LRRTM4: variants seen among roughly 807,000 people sequenced by gnomAD.
LRRTM4 encodes the protein leucine-rich repeat transmembrane neuronal protein 4.
Under a neutral mutation model 47.6 loss-of-function variants are expected in LRRTM4, and 25 were observed. The observed-to-expected ratio is 0.53, with a 90% CI of 0.38 to 0.73. LRRTM4 has a LOEUF of 0.73. Ranked by LOEUF, LRRTM4 falls within the 30% of genes least tolerant of loss-of-function variation. LRRTM4 has a pLI of 0.00. For missense variants in LRRTM4, 638 were observed against 713.4 expected, an observed-to-expected ratio of 0.89 and a Z score of 1.20; for synonymous variants, 311 against 269.5, an observed-to-expected ratio of 1.15 and a Z score of -1.51.
intron 3 of LRRTM4, among the ~76,000 whole-genome samples, chr2:76,788,873 T>C (rs1287895975): frequency 6.6e-6 from 1 of 152,188 alleles, no homozygotes; most frequent in African/African-American, 2.4e-5. Context: ...CTATGGGGTT[T>C]ATAGTTTCCA....
intron 3 of LRRTM4, among the ~76,000 whole-genome samples, chr2:77,029,077 T>C (rs547698854): frequency 1.4e-5 from 2 of 146,316 alleles, no homozygotes; most frequent in East Asian, 2.0e-4. Context: ...ATATAATATA[T>C]ATATATTATA....
chr2:76,911,093 CAG>C (rs1237860876), intron 3 of LRRTM4, among the ~76,000 whole-genome samples: 2 of 152,082 alleles, frequency 1.3e-5, no homozygotes, highest in African/African-American at 2.4e-5. Context: ...TAATATGAAA[CAG>C]AAATATCTTT....
At chr2:76,900,376 G>A (rs1392869858) in intron 3 of LRRTM4, among the ~76,000 whole-genome samples, 1 of 151,030 alleles carries the variant, frequency 6.6e-6, no homozygotes, top group East Asian at 2.0e-4. Context: ...TGTATCAAAG[G>A]TTTCAAAACT....
At chr2:76,929,751 ACCACATAT>A (rs1470616244) in intron 3 of LRRTM4, among the ~76,000 whole-genome samples, 2 of 152,150 alleles carry the variant, frequency 1.3e-5, no homozygotes, top group East Asian at 3.9e-4. Context: ...CCTCCACCAA[ACCACATAT>A]CCTAGCATCA....
chr2:77,195,460 G>T (rs979635645), intron 3 of LRRTM4, among the ~76,000 whole-genome samples: 5 of 151,936 alleles, frequency 3.3e-5, no homozygotes, highest in Non-Finnish European at 7.4e-5. Flanking sequence ...TAACAAGTAG[G>T]AAAACTTATC....
intron 3 of LRRTM4, among the ~76,000 whole-genome samples, chr2:76,887,293 ATAAAG>A (rs924887794): frequency 7.9e-5 from 12 of 151,734 alleles, no homozygotes; most frequent in African/African-American, 2.9e-4. Context: ...AAGTTAACAT[ATAAAG>A]TATTCAAAAT....
intron 3 of LRRTM4, among the ~76,000 whole-genome samples, chr2:77,425,073 A>G (rs1291214632): frequency 1.3e-5 from 2 of 152,228 alleles, no homozygotes; most frequent in African/African-American, 4.8e-5. Context: ...TGTGCTAAAT[A>G]AAACTACACT....
chr2:77,108,804 C>A (rs1215748132), intron 3 of LRRTM4, among the ~76,000 whole-genome samples: 2 of 152,088 alleles, frequency 1.3e-5, no homozygotes, highest in African/African-American at 4.8e-5. Flanking sequence ...GGGATGGTCT[C>A]GATCTCCTGA....
chr2:77,460,553 TAAAAAATGAACTTA>T (rs1382310364), intron 3 of LRRTM4, among the ~76,000 whole-genome samples: 1 of 152,104 alleles, frequency 6.6e-6, no homozygotes, highest in Non-Finnish European at 1.5e-5. Context: ...CTGACAACCA[TAAAAAATGAACTTA>T]AAATGATGAT....
chr2:77,008,938 G>GAAA (rs1346602340), intron 3 of LRRTM4: 2 of 81,926 alleles, frequency 2.4e-5, no homozygotes, highest in Non-Finnish European at 4.6e-5. Context: ...GAGCCAACAA[G>GAAA]AAAAAAAAGA....
intron 3 of LRRTM4, among the ~76,000 whole-genome samples, chr2:77,047,838 A>G (rs1035350802): frequency 1.2e-4 from 19 of 152,086 alleles, no homozygotes; most frequent in Non-Finnish European, 1.9e-4. Context: ...ATAAACTATT[A>G]GGGTTTATGA....
In LRRTM4 at chr2:76,748,775, G is replaced by A. The variant is rs777218046; in HGVS notation, c.1693C>T (p.Leu565=). The A allele has an allele frequency of 6.2e-7, 1 of 1,614,010 alleles. No homozygotes were observed. Among genetic ancestry groups the A allele is most frequent in the Middle Eastern group, 1.6e-4 (1 of 6,062 alleles). The change falls in exon 4 of 4, where the codon CTG becomes TTG. Residue 565 remains leucine, a synonymous_variant. Transcript: ENST00000409884. The part of the protein sequence containing the change: ...PEQDESPGLE[L]GRDHSFIATI... Reference sequence around the variant, plus strand: ...GCGATGAAGCTGTGGTCTCGGCCCAGCTCCAGGCCGGGGCTTTCGTCCTGC... The same window carrying A: ...GCGATGAAGCTGTGGTCTCGGCCCAACTCCAGGCCGGGGCTTTCGTCCTGC...
chr2:77,487,001 G>T (rs1207968772), intron 3 of LRRTM4, among the ~76,000 whole-genome samples: 1 of 152,130 alleles, frequency 6.6e-6, no homozygotes, highest in Non-Finnish European at 1.5e-5. Context: ...CGAAAGATTG[G>T]GTTTCACTTC....
intron 3 of LRRTM4, among the ~76,000 whole-genome samples, chr2:77,247,903 A>C (rs1220388217): frequency 1.3e-5 from 2 of 150,954 alleles, no homozygotes. Flanking sequence ...TGTTTATATT[A>C]ATGATGTTTA....
chr2:76,818,051 T>C (rs1048686755), intron 3 of LRRTM4, among the ~76,000 whole-genome samples: 2 of 151,934 alleles, frequency 1.3e-5, no homozygotes, highest in African/African-American at 2.4e-5. Context: ...CAGATGGCAA[T>C]AGAAGCATGG....
chr2:77,487,455 A>C (rs1677962997), intron 3 of LRRTM4, among the ~76,000 whole-genome samples: 1 of 151,880 alleles, frequency 6.6e-6, no homozygotes, highest in African/African-American at 2.4e-5. Context: ...GCCCCCTCCC[A>C]CCTCAGCCCC....
intron 3 of LRRTM4, among the ~76,000 whole-genome samples, chr2:76,929,910 A>G (rs1009577449): frequency 6.1e-5 from 9 of 146,726 alleles, no homozygotes; most frequent in African/African-American, 2.3e-4. Flanking sequence ...AAAATGTGAT[A>G]ATTGCAATTA....
At chr2:77,013,160 C>T (rs560375687) in intron 3 of LRRTM4, among the ~76,000 whole-genome samples, 6 of 149,882 alleles carry the variant, frequency 4.0e-5, no homozygotes, top group African/African-American at 1.4e-4. Flanking sequence ...AATCACCCAG[C>T]TTTGGGCTGA....
intron 3 of LRRTM4, among the ~76,000 whole-genome samples, chr2:76,810,229 C>T (rs867362438): frequency 6.6e-6 from 1 of 152,162 alleles, no homozygotes; most frequent in Middle Eastern, 3.4e-3. Flanking sequence ...TTTGTTTTTT[C>T]TTGTAAGTGA....
Sources: allele counts gnomAD v4.1 joint callset (sites outside exome capture counted in the v4.1 genomes callset), GRCh38; gene constraint gnomAD v4.1.1; transcripts MANE v1.5; gene names NCBI Gene and HGNC (gene_info 2026-07-23, HGNC 2026-07-21).